The following ASCC3 variants were observed in gnomAD, a reference collection of about 807,000 sequenced individuals.
ASCC3 encodes ASC-1 complex subunit P200.
ASCC3 carries 158 observed loss-of-function variants against 256.3 expected under a neutral mutation model. The ratio of observed to expected loss-of-function variants is 0.62; its 90% confidence interval spans 0.54 to 0.70. ASCC3 has a LOEUF of 0.70. Ranked by LOEUF, ASCC3 falls within the 30% of genes least tolerant of loss-of-function variation. The pLI is 0.00. For missense variants in ASCC3, 2,259 were observed against 2,626.0 expected, an observed-to-expected ratio of 0.86 and a Z score of 3.05; for synonymous variants, 948 against 883.4, an observed-to-expected ratio of 1.07 and a Z score of -1.30.
At chr6:100,775,589 C>CA (rs1361436346) in intron 8 of ASCC3, among the ~76,000 whole-genome samples, 3 of 151,736 alleles carry the variant, frequency 2.0e-5, no homozygotes, top group Non-Finnish European at 4.4e-5. Flanking sequence ...ATAAACATCT[C>CA]AAAAAAATCT....
chr6:100,652,931 G>C (rs763838370), intron 17 of ASCC3, 42 bp from the exon 18 acceptor site: 19 of 1,566,770 alleles, frequency 1.2e-5, no homozygotes, highest in Non-Finnish European at 1.7e-5. Flanking sequence ...GTGCTTTAGA[G>C]AGTAACCATT....
At chr6:100,571,542 A>T (rs910174107) in intron 36 of ASCC3, among the ~76,000 whole-genome samples, 4 of 152,210 alleles carry the variant, frequency 2.6e-5, no homozygotes, top group Non-Finnish European at 4.4e-5. Flanking sequence ...TAAGTGCTCA[A>T]TAAATATTAT....
At chr6:100,529,378 G>A (rs1194259897) in intron 37 of ASCC3, among the ~76,000 whole-genome samples, 1 of 152,096 alleles carries the variant, frequency 6.6e-6, no homozygotes, top group Non-Finnish European at 1.5e-5. Context: ...ATAAAAACTT[G>A]AGAAGATGCA....
rs1207467210 is a variant in ASCC3, at chr6:100,848,553, A to C, written c.396T>G (p.Asn132Lys). 6.2e-7 allele frequency: 1 copy of C among 1,614,158 alleles called. No homozygotes were observed. Among genetic ancestry groups the C allele is most frequent in the Admixed American group, 1.7e-5 (1 of 60,012 alleles). ...FPSSSATAACNATNRIISHFS... is the reference protein window; with the variant it reads ...FPSSSATAACKATNRIISHFS... ...AATGAGAAATAATTCGATTAGTAGC[A>C]TTACAAGCTGCAGTGGCAGATGATG... The change falls in exon 4 of 42, where the codon AAT (asparagine) becomes AAG (lysine). Residue 132 changes from asparagine (N) to lysine (K), a missense_variant. Physicochemically the swap from Asn to Lys is moderately conservative, Grantham distance 94. Coordinates refer to ENST00000369162, the MANE Select transcript of ASCC3 (RefSeq NM_006828.4).
intron 4 of ASCC3, among the ~76,000 whole-genome samples, chr6:100,831,504 C>A (rs1239822419): frequency 2.0e-5 from 3 of 152,034 alleles, no homozygotes; most frequent in Admixed American, 2.0e-4. Flanking sequence ...TGCTGGGTAA[C>A]CTAGATAAAA....
At chr6:100,561,297 C>A (rs1157962877) in intron 36 of ASCC3, among the ~76,000 whole-genome samples, 1 of 152,042 alleles carries the variant, frequency 6.6e-6, no homozygotes, top group Non-Finnish European at 1.5e-5. Flanking sequence ...TCTTCTGATT[C>A]ATCAAAGAAA....
At chr6:100,618,582 G>C (rs1773784854) in intron 30 of ASCC3, among the ~76,000 whole-genome samples, 1 of 152,154 alleles carries the variant, frequency 6.6e-6, no homozygotes, top group Non-Finnish European at 1.5e-5. Flanking sequence ...AATTATGCAT[G>C]GGTGAAACAT....
chr6:100,785,764 T>C (rs1769043418), intron 8 of ASCC3, among the ~76,000 whole-genome samples: 1 of 152,144 alleles, frequency 6.6e-6, no homozygotes, highest in African/African-American at 2.4e-5. Flanking sequence ...TAAGTGTCAA[T>C]TCCTAAAACT....
chr6:100,715,095 T>C (rs1018207529), intron 13 of ASCC3: 4 of 162,014 alleles, frequency 2.5e-5, no homozygotes, highest in African/African-American at 4.8e-5. Flanking sequence ...TGGGAGTATA[T>C]TGAACATGGA....
intron 4 of ASCC3, among the ~76,000 whole-genome samples, chr6:100,813,817 A>C (rs955064923): frequency 6.6e-6 from 1 of 151,856 alleles, no homozygotes; most frequent in Non-Finnish European, 1.5e-5. Flanking sequence ...AAATACAAGA[A>C]TTTTTATCAG....
chr6:100,719,498 G>T (rs1279538394), intron 11 of ASCC3, among the ~76,000 whole-genome samples: 2 of 151,964 alleles, frequency 1.3e-5, no homozygotes, highest in Non-Finnish European at 2.9e-5. Flanking sequence ...AAGGTTGTTT[G>T]ATGTTAAAGA....
At chr6:100,711,040 T>A (rs1461967699) in intron 13 of ASCC3, among the ~76,000 whole-genome samples, 1 of 152,164 alleles carries the variant, frequency 6.6e-6, no homozygotes, top group East Asian at 1.9e-4. Flanking sequence ...CATGGCTACA[T>A]TTATTTATCA....
chr6:100,856,496 T>C (rs968232892), intron 3 of ASCC3: 1 of 829,332 alleles, frequency 1.2e-6, no homozygotes, highest in African/African-American at 1.8e-5. Flanking sequence ...TTTTATTGAA[T>C]ATAACAAGAA....
intron 1 of ASCC3, among the ~76,000 whole-genome samples, chr6:100,879,778 T>C (rs552125961): frequency 2.6e-5 from 4 of 152,342 alleles, no homozygotes; most frequent in Admixed American, 1.3e-4. Flanking sequence ...CTGGTACATA[T>C]ACTACTTTTT....
intron 10 of ASCC3, among the ~76,000 whole-genome samples, chr6:100,734,624 G>A (rs4840148): frequency 0.48 from 73,381 of 151,902 alleles, 17,746 homozygotes; most frequent in South Asian, 0.68. Context: ...CACATACTAA[G>A]CTTATGTAAG....
At chr6:100,772,650 G>A (rs1167128410) in intron 8 of ASCC3, among the ~76,000 whole-genome samples, 1 of 152,134 alleles carries the variant, frequency 6.6e-6, no homozygotes, top group East Asian at 1.9e-4. Context: ...ACATCTGAGA[G>A]TACCACTGAT....
rs76640204 is a variant in ASCC3, at chr6:100,822,895, T to A, written c.802-17015A>T. On this transcript the variant is annotated intron_variant, in intron 4 of 41. Coordinates refer to ENST00000369162, the MANE Select transcript of ASCC3 (RefSeq NM_006828.4). ...TATTCAATCCAAAATGCAATGTTCATACATGATAAGTTCTAGTTAGAAATG... is the reference window on the plus strand; with the variant it reads ...TATTCAATCCAAAATGCAATGTTCAAACATGATAAGTTCTAGTTAGAAATG... Among the ~76,000 whole-genome samples the A allele has an allele frequency of 3.4e-3, 515 of 152,300 alleles. 2 individuals carry two copies. Among genetic ancestry groups the A allele is most frequent in the Non-Finnish European group, 5.2e-3 (356 of 68,018 alleles).
intron 37 of ASCC3, chr6:100,530,515 A>C: frequency 1.3e-6 from 1 of 786,970 alleles, no homozygotes; most frequent in Non-Finnish European, 2.3e-6. Context: ...AATGAGAATA[A>C]AATTGGAATA....
rs943082326 is a variant in ASCC3, at chr6:100,589,615, A to T, written c.5550+19T>A. ...GCCCTAAATTAAAAGAGAAGATATG[A>T]AATATATGAAAAACTCACACTTAGA... On this transcript the variant is annotated intron_variant, in intron 36 of 41. Coordinates refer to ENST00000369162, the MANE Select transcript of ASCC3 (RefSeq NM_006828.4). The T allele has an allele frequency of 1.9e-6, 3 of 1,612,614 alleles. No homozygotes were observed. In the African/African-American group the frequency reaches 4.0e-5, roughly 22 times the overall value.
Sources: allele counts gnomAD v4.1 joint callset (sites outside exome capture counted in the v4.1 genomes callset), GRCh38; gene constraint gnomAD v4.1.1; transcripts MANE v1.5; gene names NCBI Gene and HGNC (gene_info 2026-07-23, HGNC 2026-07-21).